COTL1: variants seen among roughly 807,000 people sequenced by gnomAD.
The protein encoded by COTL1 is coactosin-like protein.
Under a neutral mutation model 16.5 loss-of-function variants are expected in COTL1, and 15 were observed. The observed-to-expected ratio is 0.91, with a 90% CI of 0.61 to 1.40. COTL1 has a LOEUF of 1.40. COTL1 is among the 40% of genes most tolerant of loss of function. The pLI, the probability that COTL1 is intolerant of heterozygous loss-of-function variation, is 0.00. For synonymous variants in COTL1, 112 were observed against 85.3 expected (o/e 1.31, Z -1.73); for missense variants, 220 against 201.5 (o/e 1.09, Z -0.56).
chr16:84,567,617 G>A (rs907543976), intron 3 of COTL1: 1 of 152,292 alleles, frequency 6.6e-6, no homozygotes, highest in African/African-American at 2.4e-5. Flanking sequence ...TGAGTTACAC[G>A]AGGGTAGAGG....
intron 2 of COTL1, among the ~76,000 whole-genome samples, chr16:84,607,215 C>A (rs908513129): frequency 6.6e-6 from 1 of 152,156 alleles, no homozygotes; most frequent in Non-Finnish European, 1.5e-5. Flanking sequence ...GGCATCCGAG[C>A]AGAGGGAACA....
chr16:84,592,242 T>TA (rs1245363080), intron 2 of COTL1, among the ~76,000 whole-genome samples: 1 of 152,250 alleles, frequency 6.6e-6, no homozygotes, highest in Non-Finnish European at 1.5e-5. Flanking sequence ...CACATATCCT[T>TA]ATTCAGCTTA....
intron 2 of COTL1, among the ~76,000 whole-genome samples, chr16:84,615,439 A>T (rs1348738053): frequency 6.6e-6 from 1 of 152,154 alleles, no homozygotes; most frequent in Non-Finnish European, 1.5e-5. Flanking sequence ...GAGCCTCCTG[A>T]TGGGATGGAT....
chr16:84,602,850 C>CAA (rs1443643008), intron 2 of COTL1, among the ~76,000 whole-genome samples: 2 of 124,286 alleles, frequency 1.6e-5, no homozygotes, highest in Non-Finnish European at 1.7e-5. Flanking sequence ...GACTTCATCT[C>CAA]AAAAAAAAAA....
At position 84,614,033 on chromosome 16, in the gene COTL1, G is replaced by A. The variant is rs114809153; in HGVS notation, c.160+3468C>T. Among the ~76,000 whole-genome samples the A allele has an allele frequency of 6.7e-3, 1,024 of 152,332 alleles. 9 individuals are homozygous for A. The highest frequency in any genetic ancestry group is 0.024 in the African/African-American group (989 of 41,560). ...CTCCCCCCTCCCCGCAAGAATGGAG[G>A]TGAAGGATGAAGACAGAGCTAGGAG... On this transcript the variant is annotated intron_variant, in intron 2 of 3. Coordinates refer to ENST00000262428, the MANE Select transcript of COTL1 (RefSeq NM_021149.5).
intron 2 of COTL1, among the ~76,000 whole-genome samples, chr16:84,598,671 C>A (rs1337931086): frequency 8.8e-6 from 1 of 113,382 alleles, no homozygotes; most frequent in South Asian, 3.5e-4. Flanking sequence ...CCCCCACCAA[C>A]CCCGACCTCT....
chr16:84,588,221 A>AAATAAT (rs57708132), intron 3 of COTL1, among the ~76,000 whole-genome samples: 16,830 of 150,292 alleles, frequency 0.11, 1,132 homozygotes, highest in African/African-American at 0.18. Context: ...TCTCTCTTAA[A>AAATAAT]AATAATAATA....
chr16:84,593,147 C>G lies in COTL1; in HGVS notation c.161-2885G>C, dbSNP rs557214662. Among the ~76,000 whole-genome samples the G allele has an allele frequency of 3.9e-5, 6 of 152,336 alleles. No individual in the cohort carries two copies. In the South Asian group the frequency reaches 1.0e-3, roughly 26 times the overall value. On this transcript the variant is annotated intron_variant, in intron 2 of 3. Coordinates refer to ENST00000262428, the MANE Select transcript of COTL1 (RefSeq NM_021149.5). ...ACGTGATGTGGCCAGACTCTCAACACGAGGCCAGAGCCAAGGGCCTGGACA... is the reference window on the plus strand; with the variant it reads ...ACGTGATGTGGCCAGACTCTCAACAGGAGGCCAGAGCCAAGGGCCTGGACA...
At position 84,565,912 on chromosome 16, in the gene COTL1, T is replaced by G. The variant is rs1360850893; in HGVS notation, c.*933A>C. On this transcript the variant is annotated 3_prime_UTR_variant, in exon 4 of 4. Coordinates refer to ENST00000262428, the MANE Select transcript of COTL1 (RefSeq NM_021149.5). ...CAGAGCAACCCTTCGGCCCAAGCCATCCTCGCAGCTTACACAGAAGCTTCC... is the reference window on the plus strand; with the variant it reads ...CAGAGCAACCCTTCGGCCCAAGCCAGCCTCGCAGCTTACACAGAAGCTTCC... 6.6e-6 allele frequency: 1 copy of G among 152,302 alleles called. No homozygotes were observed. The highest frequency in any genetic ancestry group is 1.5e-5 in the Non-Finnish European group (1 of 68,090). 9.4% of individuals were successfully genotyped at this position (152,302 alleles called of 1,614,324 possible).
chr16:84,579,870 T>C (rs899202544), intron 3 of COTL1, among the ~76,000 whole-genome samples: 1 of 152,360 alleles, frequency 6.6e-6, no homozygotes. Flanking sequence ...TAGAGTGCAG[T>C]GAGCCTTCGG....
chr16:84,598,948 A>C (rs529339542), intron 2 of COTL1, among the ~76,000 whole-genome samples: 43 of 151,976 alleles, frequency 2.8e-4, no homozygotes, highest in East Asian at 2.5e-3. Flanking sequence ...GGATGACCAC[A>C]AAGGGGCTAG....
At chr16:84,613,002 C>CT (rs201067681) in intron 2 of COTL1, among the ~76,000 whole-genome samples, 31,403 of 129,812 alleles carry the variant, frequency 0.24, 3,935 homozygotes, top group African/African-American at 0.31. Context: ...TTCTTTCTTT[C>CT]TTTCTTTTTT....
At chr16:84,581,544 C>T (rs146546888) in intron 3 of COTL1, among the ~76,000 whole-genome samples, 388 of 152,230 alleles carry the variant, frequency 2.5e-3, no homozygotes, top group Non-Finnish European at 4.6e-3. Context: ...ACTCTGTCAC[C>T]GAGGCTGCAG....
intron 3 of COTL1, among the ~76,000 whole-genome samples, chr16:84,581,221 G>A (rs1253093287): frequency 2.5e-5 from 3 of 118,820 alleles, no homozygotes; most frequent in African/African-American, 1.1e-4. Flanking sequence ...CCCCCGGCCT[G>A]AGCCCAGGCC....
intron 3 of COTL1, among the ~76,000 whole-genome samples, chr16:84,569,278 G>A (rs1332795029): frequency 3.3e-5 from 5 of 152,072 alleles, no homozygotes; most frequent in African/African-American, 9.7e-5. Flanking sequence ...CCAAGATCGC[G>A]CCACTGCACT....
intron 2 of COTL1, among the ~76,000 whole-genome samples, chr16:84,598,488 G>A (rs945618032): frequency 1.3e-5 from 2 of 152,102 alleles, no homozygotes; most frequent in East Asian, 3.9e-4. Flanking sequence ...ATACCGCCTG[G>A]CGCAGAGCTG....
intron 2 of COTL1, among the ~76,000 whole-genome samples, chr16:84,614,053 T>TAGG (rs1905403334): frequency 1.3e-5 from 2 of 152,164 alleles, no homozygotes; most frequent in South Asian, 4.1e-4. Context: ...AAGACAGAGC[T>TAGG]AGGAGGAGGA....
At chr16:84,581,963 G>A (rs1904604096) in intron 3 of COTL1, among the ~76,000 whole-genome samples, 1 of 149,602 alleles carries the variant, frequency 6.7e-6, no homozygotes, top group Non-Finnish European at 1.5e-5. Flanking sequence ...GCCTACATGA[G>A]CAGATACATT....
chr16:84,617,303 C>A (rs1905514329), intron 2 of COTL1, among the ~76,000 whole-genome samples, 198 bp downstream of exon 2: 1 of 152,228 alleles, frequency 6.6e-6, no homozygotes, highest in African/African-American at 2.4e-5. Context: ...AGGTGGGTCA[C>A]TTCTGTTGCT....
Sources: gnomAD v4.1 joint callset for allele counts (sites outside exome capture counted in the v4.1 genomes callset) on GRCh38, gnomAD v4.1.1 for gene constraint, MANE v1.5 for transcripts, NCBI Gene and HGNC (gene_info 2026-07-23, HGNC 2026-07-21) for gene names.